NEXMIF: variants seen among roughly 807,000 people sequenced by gnomAD.
NEXMIF encodes XLMR protein related to neurite extension.
A neutral mutation model predicts 62.1 loss-of-function variants in NEXMIF; 8 were observed. The ratio of observed to expected loss-of-function variants is 0.13; its 90% confidence interval spans 0.08 to 0.23. The LOEUF (loss-of-function observed/expected upper bound fraction) is 0.23. NEXMIF is among the 10% of genes least tolerant of loss of function. The pLI, the probability that NEXMIF is intolerant of heterozygous loss-of-function variation, is 1.00. For synonymous variants in NEXMIF, 404 were observed against 416.6 expected (o/e 0.97, Z 0.37); for missense variants, 976 against 1,113.3 (o/e 0.88, Z 1.75).
intron 1 of NEXMIF, among the ~76,000 whole-genome samples, chrX:74,856,922 A>G (rs1213112444): frequency 8.9e-6 from 1 of 112,083 alleles, no homozygotes; most frequent in African/African-American, 3.2e-5. Flanking sequence ...AGTGGAAAGC[A>G]AAACTGCACT....
intron 1 of NEXMIF, among the ~76,000 whole-genome samples, chrX:74,819,038 C>T (rs1569349152): frequency 8.9e-6 from 1 of 111,851 alleles, no homozygotes; most frequent in Non-Finnish European, 1.9e-5. Flanking sequence ...CACACATCTA[C>T]AACCATCTGA....
intron 1 of NEXMIF, among the ~76,000 whole-genome samples, chrX:74,815,926 G>A (rs772429834): frequency 3.6e-5 from 4 of 111,219 alleles, no homozygotes; most frequent in Non-Finnish European, 7.5e-5. Context: ...GAACCACCGT[G>A]CCTGGCCTAC....
rs1387527778 is a variant in NEXMIF, at chrX:74,924,878, C to T, written c.-48+5G>A. 1 of 114,344 alleles carries T rather than the reference C, an allele frequency of 8.7e-6. No individual in the cohort carries two copies. The highest frequency in any genetic ancestry group is 1.9e-5 in the Non-Finnish European group (1 of 53,581). 9.4% of individuals were successfully genotyped at this position (114,344 alleles called of 1,213,427 possible). A position where few individuals can be genotyped will look rare whatever the true frequency, so the allele number is the denominator to read the frequency against. On this transcript the variant is annotated splice_donor_5th_base_variant and intron_variant, in intron 1 of 3. Coordinates refer to ENST00000055682, the MANE Select transcript of NEXMIF (RefSeq NM_001008537.3). ...AGGAAGCTGTATGGCAGCGCTCCTA[C>T]TCACCTCACAGGCCGACTCCCGAGG...
At chrX:74,850,793 G>A (rs1053513594) in intron 1 of NEXMIF, among the ~76,000 whole-genome samples, 2 of 110,183 alleles carry the variant, frequency 1.8e-5, no homozygotes, top group Admixed American at 2.0e-4. Flanking sequence ...TATCAATGGA[G>A]GGACACAAGA....
At chrX:74,861,015 GAA>G (rs1365819237) in intron 1 of NEXMIF, among the ~76,000 whole-genome samples, 5 of 111,778 alleles carry the variant, frequency 4.5e-5, no homozygotes, top group Non-Finnish European at 9.4e-5. Flanking sequence ...GAATAACTCA[GAA>G]AAAGAGAGAA....
intron 1 of NEXMIF, among the ~76,000 whole-genome samples, chrX:74,792,054 T>C (rs1184993776): frequency 9.2e-6 from 1 of 109,217 alleles, no homozygotes; most frequent in African/African-American, 3.3e-5. Context: ...CTAGTTCTTT[T>C]AATTGTGATG....
At chrX:74,841,717 T>G (rs970330315) in intron 1 of NEXMIF, among the ~76,000 whole-genome samples, 4 of 112,208 alleles carry the variant, frequency 3.6e-5, no homozygotes, top group African/African-American at 1.3e-4. Context: ...AAAGGCTTTT[T>G]GTGCATCTAT....
chrX:74,825,633 C>A (rs962561633), intron 1 of NEXMIF, among the ~76,000 whole-genome samples: 2 of 112,253 alleles, frequency 1.8e-5, no homozygotes, highest in South Asian at 7.5e-4. Flanking sequence ...CGGCTCATTG[C>A]AACCTTCACC....
At chrX:74,825,890 G>A (rs1446442999) in intron 1 of NEXMIF, among the ~76,000 whole-genome samples, 2 of 112,599 alleles carry the variant, frequency 1.8e-5, no homozygotes, top group Non-Finnish European at 3.7e-5. Flanking sequence ...TAGTGTATAT[G>A]TACCACATTT....
intron 1 of NEXMIF, among the ~76,000 whole-genome samples, chrX:74,923,167 C>T (rs1262307503): frequency 2.7e-5 from 3 of 111,502 alleles, no homozygotes; most frequent in African/African-American, 6.5e-5. Flanking sequence ...CATTTTTGAC[C>T]TCCCAGGTTA....
chrX:74,811,574 G>A (rs1056976140), intron 1 of NEXMIF, among the ~76,000 whole-genome samples: 2 of 112,608 alleles, frequency 1.8e-5, no homozygotes, highest in African/African-American at 6.4e-5. Context: ...TCCTTAGCTA[G>A]TAGCAACTGT....
intron 1 of NEXMIF, among the ~76,000 whole-genome samples, chrX:74,842,921 C>T (rs1290218728): frequency 3.6e-5 from 4 of 111,833 alleles, no homozygotes; most frequent in East Asian, 2.8e-4. Flanking sequence ...GTATGTGCCA[C>T]GTGGCAATGA....
chrX:74,786,491 T>C (rs377480636), intron 1 of NEXMIF, among the ~76,000 whole-genome samples: 1 of 111,613 alleles, frequency 9.0e-6, no homozygotes, highest in Non-Finnish European at 1.9e-5. Flanking sequence ...CCTACAGAGA[T>C]ACTTTCTGGC....
At chrX:74,878,112 T>C (rs2080645294) in intron 1 of NEXMIF, among the ~76,000 whole-genome samples, 1 of 111,485 alleles carries the variant, frequency 9.0e-6, no homozygotes, top group African/African-American at 3.3e-5. Context: ...TTCCCCATCT[T>C]TGTGGTTTTA....
At chrX:74,902,493 A>G (rs1016060022) in intron 1 of NEXMIF, among the ~76,000 whole-genome samples, 26 of 111,115 alleles carry the variant, frequency 2.3e-4, no homozygotes, top group Non-Finnish European at 3.8e-5. Context: ...AAAAAAGGTA[A>G]CAGAAGGATT....
chrX:74,845,118 T>C (rs1277624454), intron 1 of NEXMIF, among the ~76,000 whole-genome samples: 2 of 111,897 alleles, frequency 1.8e-5, no homozygotes, highest in Non-Finnish European at 3.8e-5. Context: ...ACAGAAGCCC[T>C]GAATTAGACC....
chrX:74,828,746 G>A, intron 1 of NEXMIF, among the ~76,000 whole-genome samples: 1 of 112,133 alleles, frequency 8.9e-6, no homozygotes, highest in Admixed American at 9.4e-5. Flanking sequence ...CTTGAAAGCA[G>A]TGTTACTTTG....
intron 1 of NEXMIF, among the ~76,000 whole-genome samples, chrX:74,915,079 A>G (rs2080802061): frequency 1.8e-5 from 2 of 111,901 alleles, no homozygotes; most frequent in Non-Finnish European, 3.8e-5. Flanking sequence ...GTGTAGCACA[A>G]AAGAGATCTC....
Position 74,741,873 on chromosome X carries a change from G to T in NEXMIF, c.2684C>A (p.Ser895Tyr). 8.3e-7 allele frequency: 1 copy of T among 1,211,932 alleles called. No homozygotes were observed. Among genetic ancestry groups the T allele is most frequent in the Non-Finnish European group, 1.1e-6 (1 of 895,399 alleles). Reference protein sequence around the residue: ...YRNVWPNKATSGTQEFMAEVS... With the variant: ...YRNVWPNKATYGTQEFMAEVS... ...TTCAGCCATGAATTCCTGGGTGCCAGAAGTAGCCTTGTTGGGCCACACATT... is the reference window on the plus strand; with the variant it reads ...TTCAGCCATGAATTCCTGGGTGCCATAAGTAGCCTTGTTGGGCCACACATT... The change falls in exon 3 of 4, where the codon TCT becomes TAT. Residue 895 changes from serine (S) to tyrosine (Y), a missense_variant. By Grantham distance (144) the Ser-to-Tyr change is moderately radical. This residue lies in a region of NEXMIF where 639 missense variants were observed against 694.5 expected (regional missense o/e 0.92). Transcript: ENST00000055682.
Sources: gnomAD v4.1 joint callset for allele counts (sites outside exome capture counted in the v4.1 genomes callset) on GRCh38, gnomAD v4.1.1 for gene constraint, gnomAD v4.1.1 regional missense constraint, MANE v1.5 for transcripts, NCBI Gene and HGNC (gene_info 2026-07-23, HGNC 2026-07-21) for gene names.